The following RBM47 variants were observed in gnomAD, a reference collection of about 807,000 sequenced individuals.
RBM47 encodes the protein RNA binding motif protein 47.
A neutral mutation model predicts 47.1 loss-of-function variants in RBM47; 21 were observed. The ratio of observed to expected loss-of-function variants is 0.45; its 90% confidence interval spans 0.32 to 0.64. RBM47 has a LOEUF of 0.64. Ranked by LOEUF, RBM47 falls within the 30% of genes least tolerant of loss-of-function variation. RBM47 has a pLI of 0.05. For missense variants in RBM47, 708 were observed against 870.9 expected, an observed-to-expected ratio of 0.81 and a Z score of 2.35; for synonymous variants, 375 against 361.7, an observed-to-expected ratio of 1.04 and a Z score of -0.42.
intron 1 of RBM47, among the ~76,000 whole-genome samples, chr4:40,616,060 C>A (rs544381444): frequency 6.6e-6 from 1 of 152,150 alleles, no homozygotes; most frequent in Non-Finnish European, 1.5e-5. Flanking sequence ...CTTTTTAAAA[C>A]ATCACTTCTT....
chr4:40,603,578 T>C (rs560476185), intron 1 of RBM47, among the ~76,000 whole-genome samples: 1 of 150,020 alleles, frequency 6.7e-6, no homozygotes, highest in East Asian at 2.0e-4. Context: ...CCTCCCCTCC[T>C]CTCCTCTTCT....
intron 2 of RBM47, chr4:40,491,976 G>A (rs1245690003): frequency 6.5e-6 from 1 of 153,404 alleles, no homozygotes; most frequent in Non-Finnish European, 1.4e-5. Context: ...TTCTGTGAAA[G>A]AACAACACAT....
intron 1 of RBM47, among the ~76,000 whole-genome samples, chr4:40,562,651 A>C (rs1359783328): frequency 6.6e-6 from 1 of 151,884 alleles, no homozygotes; most frequent in African/African-American, 2.4e-5. Context: ...TTTTTAGTAG[A>C]GACGAGGTTT....
intron 1 of RBM47, among the ~76,000 whole-genome samples, chr4:40,588,109 G>A (rs1434753129): frequency 2.0e-5 from 3 of 152,198 alleles, no homozygotes; most frequent in Non-Finnish European, 2.9e-5. Context: ...CTGGGGTGCA[G>A]CCAAAGACAG....
intron 2 of RBM47, among the ~76,000 whole-genome samples, chr4:40,479,794 C>T (rs1053162008): frequency 2.0e-5 from 3 of 151,574 alleles, no homozygotes; most frequent in African/African-American, 7.3e-5. Flanking sequence ...CACCATTGTG[C>T]CCAGAGGTAC....
chr4:40,514,202 A>G (rs1725295014), intron 2 of RBM47, among the ~76,000 whole-genome samples: 1 of 152,128 alleles, frequency 6.6e-6, no homozygotes, highest in Non-Finnish European at 1.5e-5. Flanking sequence ...CCTCCCAGAA[A>G]CACAGGACCT....
chr4:40,607,678 G>A (rs763751058), intron 1 of RBM47, among the ~76,000 whole-genome samples: 6 of 152,182 alleles, frequency 3.9e-5, no homozygotes, highest in Non-Finnish European at 7.3e-5. Flanking sequence ...CTGCACTCTA[G>A]CCTGGGCCAC....
Position 40,438,485 on chromosome 4 carries a change from G to A in RBM47, c.409C>T (p.Arg137Cys). 1.2e-6 allele frequency: 2 copies of A among 1,613,504 alleles called. No individual in the cohort carries two copies. The highest frequency in any genetic ancestry group is 1.7e-6 in the Non-Finnish European group (2 of 1,179,896). ...CACACGCCGAGCAGGCGGCCCGGGC[G>A]GATCTCGTAGTTGTTGAGCTCACGC... is the stretch of plus-strand genomic sequence containing the variant. ...AVRELNNYEI[R>C]PGRLLGVCCS... Residue 137 changes from arginine to cysteine, a missense_variant, in exon 4 of 7, where the codon CGC becomes TGC. By Grantham distance (180) the Arg-to-Cys change is radical. Coordinates refer to ENST00000295971, the MANE Select transcript of RBM47 (RefSeq NM_001098634.2).
At chr4:40,505,514 G>A (rs1272714502) in intron 2 of RBM47, among the ~76,000 whole-genome samples, 1 of 150,680 alleles carries the variant, frequency 6.6e-6, no homozygotes, top group African/African-American at 2.4e-5. Flanking sequence ...AAAGATGCTG[G>A]ACTAAAATTT....
At chr4:40,517,178 A>C (rs1222005918) in intron 2 of RBM47, among the ~76,000 whole-genome samples, 1 of 132,882 alleles carries the variant, frequency 7.5e-6, no homozygotes, top group Non-Finnish European at 1.5e-5. Context: ...CCTCTTGCCC[A>C]GGCTGGAGTG....
At chr4:40,630,778 C>T (rs540371742), upstream of RBM47, 5 of 152,244 alleles carry the variant, frequency 3.3e-5, no homozygotes, top group African/African-American at 1.2e-4. Context: ...CTCCGCCTTA[C>T]CTGTTTATAC....
chr4:40,431,474 C>CG (rs1224828036), intron 6 of RBM47, among the ~76,000 whole-genome samples: 1 of 151,976 alleles, frequency 6.6e-6, no homozygotes, highest in Non-Finnish European at 1.5e-5. Context: ...CTGGCTGACA[C>CG]GGTGAAACCC....
chr4:40,589,001 T>C (rs1230173413), intron 1 of RBM47, among the ~76,000 whole-genome samples: 3 of 140,108 alleles, frequency 2.1e-5, no homozygotes, highest in Non-Finnish European at 4.6e-5. Flanking sequence ...TCTTTTTTTT[T>C]TTTTTTTTTT....
At chr4:40,587,700 G>T (rs6829898) in intron 1 of RBM47, among the ~76,000 whole-genome samples, 78,456 of 152,018 alleles carry the variant, frequency 0.52, 20,409 homozygotes, top group Admixed American at 0.59. Context: ...TCTCTATCTA[G>T]ATAATGGGCG....
At chr4:40,488,176 T>A (rs1366290812) in intron 2 of RBM47, among the ~76,000 whole-genome samples, 1 of 151,870 alleles carries the variant, frequency 6.6e-6, no homozygotes, top group African/African-American at 2.4e-5. Context: ...TTAGCCAGTG[T>A]AGTGGTGCGC....
chr4:40,464,916 A>AAAT (rs1717775818), intron 3 of RBM47, among the ~76,000 whole-genome samples: 2 of 143,188 alleles, frequency 1.4e-5, no homozygotes, highest in Non-Finnish European at 3.1e-5. Flanking sequence ...AAAAAAAAAA[A>AAAT]GGAAAAGAAA....
intron 1 of RBM47, among the ~76,000 whole-genome samples, chr4:40,556,716 C>T (rs1294885568): frequency 6.6e-6 from 1 of 151,702 alleles, no homozygotes; most frequent in African/African-American, 2.4e-5. Flanking sequence ...ATGGCGAAAT[C>T]TTGTCTCTAT....
chr4:40,432,779 T>C lies in RBM47; in HGVS notation c.1414A>G (p.Thr472Ala). The C allele has an allele frequency of 1.9e-6, 3 of 1,613,692 alleles. No homozygotes were observed. The Middle Eastern group carries it at 5.1e-4, about 273-fold the overall frequency. The stretch of plus-strand genomic sequence containing the variant: ...ATGGGGCTGATCATGTGCTCCACTG[T>C]GTGGATTTTGCCATCTTCAATCATT... ...PKMIEDGKIH[T>A]VEHMISPIAV... Residue 472 changes from threonine to alanine, a missense_variant, in exon 6 of 7, where the codon ACA becomes GCA. Coordinates refer to ENST00000295971, the MANE Select transcript of RBM47 (RefSeq NM_001098634.2).
chr4:40,598,659 C>T (rs1056454305), intron 1 of RBM47, among the ~76,000 whole-genome samples: 3 of 151,856 alleles, frequency 2.0e-5, no homozygotes, highest in Non-Finnish European at 2.9e-5. Context: ...ATAAAAACAT[C>T]GCAAATGCTT....
Sources: gnomAD v4.1 joint callset for allele counts (sites outside exome capture counted in the v4.1 genomes callset) on GRCh38, gnomAD v4.1.1 for gene constraint, MANE v1.5 for transcripts, NCBI Gene and HGNC (gene_info 2026-07-23, HGNC 2026-07-21) for gene names.